The following NDEL1 variants were observed in gnomAD, a reference collection of about 807,000 sequenced individuals.
NDEL1 encodes nudE neurodevelopment protein 1 like 1.
NDEL1 carries 9 observed loss-of-function variants against 45.7 expected under a neutral mutation model. The observed-to-expected ratio is 0.20, with a 90% CI of 0.12 to 0.34. The LOEUF (loss-of-function observed/expected upper bound fraction) is 0.34, where lower values mean the gene tolerates loss of function less well. Among genes scored for constraint, NDEL1 ranks in the 10% least tolerant of loss-of-function variants. The pLI, the probability that NDEL1 is intolerant of heterozygous loss-of-function variation, is 1.00. For missense variants in NDEL1, 306 were observed against 406.2 expected, an observed-to-expected ratio of 0.75 and a Z score of 2.12; for synonymous variants, 133 against 158.6, an observed-to-expected ratio of 0.84 and a Z score of 1.21.
chr17:8,463,481 C>G, intron 8 of NDEL1: 1 of 765,256 alleles, frequency 1.3e-6, no homozygotes, highest in Non-Finnish European at 2.2e-6. Flanking sequence ...ACTTACAGCC[C>G]ATCAGTGAAC....
intron 1 of NDEL1, among the ~76,000 whole-genome samples, chr17:8,422,819 C>T (rs1358824305): frequency 1.3e-5 from 2 of 151,812 alleles, no homozygotes; most frequent in African/African-American, 4.8e-5. Flanking sequence ...TCACTGCAAC[C>T]TCTGTCTCCC....
intron 7 of NDEL1, among the ~76,000 whole-genome samples, chr17:8,455,101 C>T (rs771988616): frequency 2.6e-5 from 4 of 152,180 alleles, no homozygotes; most frequent in Non-Finnish European, 4.4e-5. Context: ...AGGTTCCCAC[C>T]GGGGCATTCT....
intron 7 of NDEL1, among the ~76,000 whole-genome samples, chr17:8,458,109 GCTGTCA>G: frequency 6.6e-6 from 1 of 151,848 alleles, no homozygotes; most frequent in East Asian, 1.9e-4. Flanking sequence ...TGATCTCAGT[GCTGTCA>G]AATCCTGTGG....
At chr17:8,464,403 A>C (rs999559429) in intron 8 of NDEL1, 1 of 151,964 alleles carries the variant, frequency 6.6e-6, no homozygotes, top group Admixed American at 6.6e-5. Context: ...TTCTCTTGCA[A>C]ATCTTTTCCC....
chr17:8,451,325 GT>G (rs200362343), intron 6 of NDEL1, among the ~76,000 whole-genome samples: 6 of 151,444 alleles, frequency 4.0e-5, no homozygotes, highest in Non-Finnish European at 8.8e-5. Flanking sequence ...AACATTTTGA[GT>G]TTTTTTTTCT....
At chr17:8,463,185 TA>T in intron 8 of NDEL1, 1 of 617,054 alleles carries the variant, frequency 1.6e-6, no homozygotes, top group Non-Finnish European at 2.9e-6. Flanking sequence ...GTTTCTTAGG[TA>T]ACATGTGCTC....
chr17:8,436,109 C>T (rs1909315654), intron 1 of NDEL1, 64 bp downstream of exon 1: 8 of 308,644 alleles, frequency 2.6e-5, no homozygotes, highest in South Asian at 1.8e-4. Flanking sequence ...CCGAGGCCTG[C>T]CCTTGGGGAG....
chr17:8,472,174 A>G (rs1911852500), downstream of NDEL1, among the ~76,000 whole-genome samples: 1 of 152,166 alleles, frequency 6.6e-6, no homozygotes, highest in Non-Finnish European at 1.5e-5. Flanking sequence ...CTCTGGGGAG[A>G]AGGGCCCTGG....
upstream of NDEL1, among the ~76,000 whole-genome samples, chr17:8,433,319 T>C (rs988664408): frequency 2.0e-5 from 3 of 152,230 alleles, no homozygotes; most frequent in Non-Finnish European, 4.4e-5. Flanking sequence ...TCATTGATCC[T>C]TTTCAATTAG....
At chr17:8,460,251 C>A in intron 8 of NDEL1, 91 bp downstream of exon 8, 1 of 1,390,218 alleles carries the variant, frequency 7.2e-7, no homozygotes, top group South Asian at 1.4e-5. Flanking sequence ...AAGGTAAACT[C>A]AGCTTGACAA....
chr17:8,440,431 T>A (rs1909653909), intron 1 of NDEL1, among the ~76,000 whole-genome samples: 1 of 151,826 alleles, frequency 6.6e-6, no homozygotes, highest in African/African-American at 2.4e-5. Context: ...AGAGAATTGC[T>A]TGAACCTGGG....
rs764084019 is a variant in NDEL1 at position 8,450,914 on chromosome 17, G to C, written c.661G>C (p.Val221Leu). ...ATCACTTTCTTTGCCAGCTACCCCTGTTGGCAAAGGAACGGAGAACACTTT... is the reference window on the plus strand; with the variant it reads ...ATCACTTTCTTTGCCAGCTACCCCTCTTGGCAAAGGAACGGAGAACACTTT... ...QASLSLPATP[V>L]GKGTENTFPS... Residue 221 changes from valine to leucine, a missense_variant, in exon 6 of 9, where the codon GTT (valine) becomes CTT (leucine). Coordinates refer to ENST00000334527, the MANE Select transcript of NDEL1 (RefSeq NM_030808.5). The C allele has an allele frequency of 6.2e-7, 1 of 1,611,802 alleles. No homozygotes were observed. Among genetic ancestry groups the C allele is most frequent in the Non-Finnish European group, 8.5e-7 (1 of 1,179,244 alleles).
At chr17:8,454,111 A>G (rs1910685664) in intron 6 of NDEL1, among the ~76,000 whole-genome samples, 1 of 152,196 alleles carries the variant, frequency 6.6e-6, no homozygotes, top group Non-Finnish European at 1.5e-5. Context: ...ACTAGGAGAA[A>G]GTATGGGAAA....
chr17:8,448,510 G>A (rs1555560355), intron 4 of NDEL1, 40 bp from the exon 5 acceptor site: 2 of 1,591,060 alleles, frequency 1.3e-6, no homozygotes, highest in Non-Finnish European at 1.7e-6. Context: ...GTTTGCACAT[G>A]TTATTTATTT....
At chr17:8,452,593 A>C (rs921056606) in intron 6 of NDEL1, among the ~76,000 whole-genome samples, 3 of 152,216 alleles carry the variant, frequency 2.0e-5, no homozygotes, top group Non-Finnish European at 4.4e-5. Context: ...GGTCAGAGAA[A>C]TCGGTAAGAT....
In NDEL1 at chr17:8,439,400, C is replaced by T. The variant is rs555276992; in HGVS notation, c.-13+3355C>T. Among the ~76,000 whole-genome samples the T allele has an allele frequency of 4.1e-5, 5 of 121,298 alleles. No individual in the cohort carries two copies. In the South Asian group the frequency reaches 1.5e-3, roughly 37 times the overall value. The allele number at this position is 121,298 out of a possible 152,430, so 79.6% of individuals were successfully genotyped here. A position where few individuals can be genotyped will look rare whatever the true frequency, so the allele number is the denominator to read the frequency against. On this transcript the variant is annotated intron_variant, in intron 1 of 8. Transcript: ENST00000334527. Reference sequence around the variant, plus strand: ...GGATTACAGGTGCCGGCCACCATACCCAGCTAATTTTTTTTTTTTTTTTTC... The same window carrying T: ...GGATTACAGGTGCCGGCCACCATACTCAGCTAATTTTTTTTTTTTTTTTTC...
intron 1 of NDEL1, among the ~76,000 whole-genome samples, chr17:8,429,811 C>T (rs753579221): frequency 1.3e-5 from 2 of 152,068 alleles, no homozygotes; most frequent in Non-Finnish European, 2.9e-5. Context: ...CAGGGATGCT[C>T]TGCATACAGT....
In NDEL1 at chr17:8,438,361, A is replaced by G. The variant is rs1439482442; in HGVS notation, c.-13+2316A>G. Among the ~76,000 whole-genome samples the G allele has an allele frequency of 7.2e-5, 11 of 152,240 alleles. No individual in the cohort carries two copies. The East Asian group carries it at 1.9e-3, about 27-fold the overall frequency. The stretch of plus-strand genomic sequence containing the variant: ...TTTTCTATATTAGCTAACTTTCTAT[A>G]GCCTGAATATCTCCAGTTACATAGT... On this transcript the variant is annotated intron_variant, in intron 1 of 8. Transcript: ENST00000334527.
chr17:8,449,560 C>T (rs1376671317), intron 5 of NDEL1, among the ~76,000 whole-genome samples: 1 of 152,196 alleles, frequency 6.6e-6, no homozygotes, highest in African/African-American at 2.4e-5. Flanking sequence ...CCCATTTTCC[C>T]TTCCCTTCAG....
Sources: gnomAD v4.1 joint callset for allele counts (sites outside exome capture counted in the v4.1 genomes callset) on GRCh38, gnomAD v4.1.1 for gene constraint, MANE v1.5 for transcripts, NCBI Gene and HGNC (gene_info 2026-07-23, HGNC 2026-07-21) for gene names.